BAHCC1: variants seen among roughly 807,000 people sequenced by gnomAD.
The protein encoded by BAHCC1 is BAH and coiled-coil domain-containing protein 1.
A neutral mutation model predicts 88.2 loss-of-function variants in BAHCC1; 43 were observed. The observed-to-expected ratio is 0.49, with a 90% CI of 0.38 to 0.63. The LOEUF (loss-of-function observed/expected upper bound fraction) is 0.63. Among genes scored for constraint, BAHCC1 ranks in the 20% least tolerant of loss-of-function variants. The pLI is 0.00. For missense variants in BAHCC1, 3,023 were observed against 1,654.8 expected, an observed-to-expected ratio of 1.83 and a Z score of -14.34; for synonymous variants, 1,510 against 745.5, an observed-to-expected ratio of 2.03 and a Z score of -16.71.
At chr17:81,427,835 C>T (rs1374711341) in intron 3 of BAHCC1, among the ~76,000 whole-genome samples, 4 of 152,240 alleles carry the variant, frequency 2.6e-5, no homozygotes, top group Admixed American at 1.3e-4. Flanking sequence ...GACTGCTGAG[C>T]GGCGGGCGTC....
At chr17:81,412,694 C>T (rs1223131608) in intron 2 of BAHCC1, among the ~76,000 whole-genome samples, 1 of 152,248 alleles carries the variant, frequency 6.6e-6, no homozygotes, top group African/African-American at 2.4e-5. Context: ...CCCCCCGCCC[C>T]ACCCTGTGGC....
intron 2 of BAHCC1, among the ~76,000 whole-genome samples, chr17:81,425,965 TGGTGGTGATAGTGGTG>T (rs2064188377): frequency 7.2e-6 from 1 of 139,444 alleles, no homozygotes; most frequent in African/African-American, 2.7e-5. Flanking sequence ...GTGATGTGGT[TGGTGGTGATAGTGGTG>T]GGTGTGGTTG....
At chr17:81,424,267 G>A (rs1461368218) in intron 2 of BAHCC1, among the ~76,000 whole-genome samples, 2 of 152,364 alleles carry the variant, frequency 1.3e-5, no homozygotes, top group South Asian at 2.1e-4. Flanking sequence ...GGCCGAGACT[G>A]TGGGGCCCGT....
intron 2 of BAHCC1, among the ~76,000 whole-genome samples, chr17:81,403,411 A>G (rs186326899): frequency 6.6e-6 from 1 of 152,210 alleles, no homozygotes; most frequent in African/African-American, 2.4e-5. Flanking sequence ...AGAAAGGCGA[A>G]GGCTCCTTCT....
At chr17:81,400,960 G>A (rs571163391) in intron 2 of BAHCC1, 1 of 152,680 alleles carries the variant, frequency 6.5e-6, no homozygotes, top group Admixed American at 6.5e-5. Flanking sequence ...CTGGTACATG[G>A]GTGGCTTTTG....
chr17:81,422,820 A>G, intron 2 of BAHCC1: 2 of 430,176 alleles, frequency 4.6e-6, no homozygotes, highest in Admixed American at 2.5e-5. Flanking sequence ...GGCGGGAGGG[A>G]CTTCCCCAGG....
At chr17:81,424,634 A>G (rs1386524035) in intron 2 of BAHCC1, among the ~76,000 whole-genome samples, 1 of 150,796 alleles carries the variant, frequency 6.6e-6, no homozygotes, top group African/African-American at 2.4e-5. Flanking sequence ...ATGGTGGTGG[A>G]TGATGTGGTT....
intron 3 of BAHCC1, among the ~76,000 whole-genome samples, chr17:81,430,068 G>C (rs1441211650): frequency 6.6e-6 from 1 of 152,172 alleles, no homozygotes; most frequent in Non-Finnish European, 1.5e-5. Flanking sequence ...GCCTCTCTGG[G>C]GCTTGGGGTG....
intron 2 of BAHCC1, among the ~76,000 whole-genome samples, chr17:81,417,560 C>CCCCCCCCCG (rs2064050057): frequency 2.9e-5 from 4 of 136,564 alleles, no homozygotes; most frequent in South Asian, 2.4e-4. Flanking sequence ...CGGCCACCCC[C>CCCCCCCCCG]CCCCCGCCCT....
chr17:81,463,028 G>A, intron 27 of BAHCC1, 52 bp downstream of exon 27: 1 of 749,052 alleles, frequency 1.3e-6, no homozygotes, highest in Non-Finnish European at 2.5e-6. Flanking sequence ...CCCAGGGAGG[G>A]GACACGACAG....
chr17:81,437,974 C>T (rs1272620770), intron 3 of BAHCC1, among the ~76,000 whole-genome samples: 7 of 152,202 alleles, frequency 4.6e-5, no homozygotes, highest in Non-Finnish European at 4.4e-5. Flanking sequence ...AGGCCAAGTC[C>T]GGGCCTGGTT....
At chr17:81,420,778 C>G (rs145594763) in intron 2 of BAHCC1, among the ~76,000 whole-genome samples, 2 of 152,148 alleles carry the variant, frequency 1.3e-5, no homozygotes, top group Non-Finnish European at 2.9e-5. Flanking sequence ...CCGCTGACAC[C>G]GCATCCCGCT....
intron 2 of BAHCC1, among the ~76,000 whole-genome samples, chr17:81,418,064 G>T (rs1353829215): frequency 6.6e-6 from 1 of 152,230 alleles, no homozygotes; most frequent in African/African-American, 2.4e-5. Context: ...GGCCCCAGGG[G>T]GCCAAGGCAC....
intron 3 of BAHCC1, among the ~76,000 whole-genome samples, chr17:81,433,354 C>T (rs574516147): frequency 1.0e-3 from 158 of 152,258 alleles, no homozygotes; most frequent in African/African-American, 3.2e-3. Flanking sequence ...GGGAAGGGGC[C>T]GCTGCAAGGC....
chr17:81,446,610 G>A (rs140153567), intron 10 of BAHCC1: 111 of 288,496 alleles, frequency 3.8e-4, no homozygotes, highest in Middle Eastern at 1.4e-3. Context: ...GTGCAGTGAC[G>A]CGAACATGGT....
At chr17:81,447,992 T>G in intron 11 of BAHCC1, 144 bp downstream of exon 11, 1 of 624,402 alleles carries the variant, frequency 1.6e-6, no homozygotes, top group South Asian at 1.8e-5. Flanking sequence ...AGTGTCCGCC[T>G]CCCCTTGCCG....
In BAHCC1 at chr17:81,438,164, T is replaced by C. The variant is rs1051212972; in HGVS notation, c.359-206T>C. ...CTCCCCAGCCCATCAGCAATTCAAT[T>C]TGTGCCGCACCGGAGGGATGGCATT... On this transcript the variant is annotated intron_variant, in intron 3 of 27. Coordinates refer to ENST00000675386, the MANE Select transcript of BAHCC1 (RefSeq NM_001377448.1). Among the ~76,000 whole-genome samples the C allele has an allele frequency of 4.6e-5, 7 of 152,294 alleles. 1 individual carries two copies. Among genetic ancestry groups the C allele is most frequent in the Admixed American group, 4.6e-4 (7 of 15,304 alleles).
intron 2 of BAHCC1, among the ~76,000 whole-genome samples, chr17:81,406,181 G>C (rs1598451577): frequency 6.6e-6 from 1 of 152,318 alleles, no homozygotes; most frequent in East Asian, 1.9e-4. Flanking sequence ...CCCTGAGGAG[G>C]GAGGCAGGCT....
At position 81,447,220 on chromosome 17, in the gene BAHCC1, G is replaced by C; in HGVS notation, c.3348G>C (p.Glu1116Asp). ...CCTGCAGCCCCAGGAGCCTGGAGGA[G>C]CCCGGGCTGCTCTCAGGGGCCAGGG... ...PPPCSPRSLE[E>D]PGLLSGAREA... Residue 1116 changes from glutamate to aspartate, a missense_variant, in exon 11 of 28, where the codon GAG (glutamate) becomes GAC (aspartate). Glu to Asp is a conservative substitution (Grantham distance 45, BLOSUM62 2). Coordinates refer to ENST00000675386, the MANE Select transcript of BAHCC1 (RefSeq NM_001377448.1). The C allele has an allele frequency of 1.3e-6, 1 of 742,596 alleles. No homozygotes were observed. Among genetic ancestry groups the C allele is most frequent in the Non-Finnish European group, 2.5e-6 (1 of 401,586 alleles). The allele number at this position is 742,596 out of a possible 1,614,324, so 46.0% of individuals were successfully genotyped here. A position where few individuals can be genotyped will look rare whatever the true frequency, so the allele number is the denominator to read the frequency against.
Sources: gnomAD v4.1 joint callset for allele counts (sites outside exome capture counted in the v4.1 genomes callset) on GRCh38, gnomAD v4.1.1 for gene constraint, MANE v1.5 for transcripts, NCBI Gene and HGNC (gene_info 2026-07-23, HGNC 2026-07-21) for gene names.